Variants in BMAL1 observed in about 807,000 individuals in gnomAD.
BMAL1 encodes basic helix-loop-helix ARNT-like protein 1.
chr11:13,284,122 GTGTGTGTATA>G, the BMAL1 span, among the ~76,000 whole-genome samples: 1,061 of 81,404 alleles, frequency 0.013, 97 homozygotes, highest in Middle Eastern at 0.044. Flanking sequence ...ATATATATGT[GTGTGTGTATA>G]TATATATATA....
chr11:13,382,172 C>G, the BMAL1 span, among the ~76,000 whole-genome samples: 1 of 152,138 alleles, frequency 6.6e-6, no homozygotes, highest in Non-Finnish European at 1.5e-5. Context: ...AATCCTGCTT[C>G]TACAAGGGCA....
the BMAL1 span, among the ~76,000 whole-genome samples, chr11:13,309,287 G>A: frequency 1.3e-5 from 2 of 152,100 alleles, no homozygotes; most frequent in Non-Finnish European, 2.9e-5. Flanking sequence ...TGTCTGGATG[G>A]TAGGGTCTAT....
chr11:13,381,794 A>C, the BMAL1 span, among the ~76,000 whole-genome samples: 31 of 152,344 alleles, frequency 2.0e-4, no homozygotes, highest in South Asian at 6.2e-3. Context: ...GCTTGCTATA[A>C]GACTACACTA....
At chr11:13,332,611 C>T in the BMAL1 span, among the ~76,000 whole-genome samples, 2 of 152,186 alleles carry the variant, frequency 1.3e-5, no homozygotes, top group Non-Finnish European at 1.5e-5. Context: ...AACACTATTT[C>T]ATGATGGAGG....
At chr11:13,357,488 G>A in the BMAL1 span, among the ~76,000 whole-genome samples, 2 of 152,224 alleles carry the variant, frequency 1.3e-5, no homozygotes, top group African/African-American at 4.8e-5. This position sits in a 1 kb window ranked among gnomAD's most constrained non-coding sequence, Gnocchi z 4.8. Context: ...ACTGCGAGTT[G>A]CAACTGAATG....
chr11:13,307,272 G>A, the BMAL1 span, among the ~76,000 whole-genome samples: 3 of 152,188 alleles, frequency 2.0e-5, no homozygotes, highest in African/African-American at 7.2e-5. Flanking sequence ...TCAAAGTTAG[G>A]TTTTATTAAA....
chr11:13,311,153 T>C, the BMAL1 span, among the ~76,000 whole-genome samples: 1 of 152,178 alleles, frequency 6.6e-6, no homozygotes, highest in African/African-American at 2.4e-5. Flanking sequence ...ATATGTTGAA[T>C]TCAAGATAAC....
the BMAL1 span, chr11:13,277,000 G>C: frequency 2.6e-5 from 4 of 152,228 alleles, no homozygotes; most frequent in Non-Finnish European, 5.9e-5. Context: ...CTCCGCGCTC[G>C]AGTATTCTCT....
chr11:13,337,321 T>C, the BMAL1 span, among the ~76,000 whole-genome samples: 8 of 152,210 alleles, frequency 5.3e-5, no homozygotes. Flanking sequence ...TGGGAAATAT[T>C]GTGTATATAC....
chr11:13,288,091 C>G, the BMAL1 span, among the ~76,000 whole-genome samples: 1 of 152,204 alleles, frequency 6.6e-6, no homozygotes, highest in Non-Finnish European at 1.5e-5. Flanking sequence ...CAGGAAGTGG[C>G]TGAGCGGAAA....
chr11:13,321,685 C>T, the BMAL1 span, among the ~76,000 whole-genome samples: 1 of 152,038 alleles, frequency 6.6e-6, no homozygotes. Flanking sequence ...TAGTGGGGCC[C>T]CAGGGTCACA....
the BMAL1 span, among the ~76,000 whole-genome samples, chr11:13,325,664 T>TGTGTGTGG: frequency 1.3e-5 from 2 of 149,572 alleles, no homozygotes; most frequent in Admixed American, 1.3e-4. Flanking sequence ...CTTTTGTGTG[T>TGTGTGTGG]GTGTGTGTGT....
chr11:13,373,623 C>CA, the BMAL1 span, among the ~76,000 whole-genome samples: 1 of 152,228 alleles, frequency 6.6e-6, no homozygotes. Context: ...CCTCCCACCT[C>CA]AGCCTCCCAG....
chr11:13,358,184 G>A, the BMAL1 span, among the ~76,000 whole-genome samples: 6 of 152,320 alleles, frequency 3.9e-5, no homozygotes, highest in East Asian at 9.6e-4. Context: ...TTACTCTGAA[G>A]AGACAATTTT....
chr11:13,368,428 G>A, the BMAL1 span, among the ~76,000 whole-genome samples: 3 of 152,204 alleles, frequency 2.0e-5, no homozygotes, highest in Non-Finnish European at 4.4e-5. Context: ...TGGACAAAAC[G>A]TGCACGGAGG....
chr11:13,366,714 T>C, the BMAL1 span: 2 of 1,614,160 alleles, frequency 1.2e-6, no homozygotes, highest in Non-Finnish European at 1.7e-6. Flanking sequence ...CCTAAAGATA[T>C]TGCCAAAGTC....
chr11:13,378,495 G>C, the BMAL1 span: 3 of 1,568,006 alleles, frequency 1.9e-6, no homozygotes, highest in African/African-American at 4.1e-5. Flanking sequence ...TCTCAACCCA[G>C]GGAAATTTTT....
chr11:13,345,475 G>A, the BMAL1 span, among the ~76,000 whole-genome samples: 1 of 152,202 alleles, frequency 6.6e-6, no homozygotes, highest in Non-Finnish European at 1.5e-5. Flanking sequence ...TAGCTTTCCT[G>A]ACCCAGGACT....
the BMAL1 span, chr11:13,386,701 C>T: frequency 1.9e-6 from 3 of 1,614,178 alleles, no homozygotes; most frequent in Non-Finnish European, 2.5e-6. Context: ...CTCTTGGAAG[C>T]AGATGCTGGA....
Sources: gnomAD v4.1 joint callset for allele counts (sites outside exome capture counted in the v4.1 genomes callset) on GRCh38, gnomAD v4.1.1 for gene constraint, Gnocchi (gnomAD v3.1) non-coding constraint, MANE v1.5 for transcripts, NCBI Gene and HGNC (gene_info 2026-07-23, HGNC 2026-07-21) for gene names.